ZNF438: variants seen among roughly 807,000 people sequenced by gnomAD.
ZNF438 encodes zinc finger protein 438.
Under a neutral mutation model 38.0 loss-of-function variants are expected in ZNF438, and 25 were observed. That is an observed-to-expected ratio of 0.66 (90% confidence interval 0.48 to 0.92). The LOEUF is 0.92. Among genes scored for constraint, ZNF438 ranks in the 40% least tolerant of loss-of-function variants. The pLI is 0.00. For missense variants in ZNF438, 1,007 were observed against 999.6 expected, an observed-to-expected ratio of 1.01 and a Z score of -0.10; for synonymous variants, 372 against 364.1, an observed-to-expected ratio of 1.02 and a Z score of -0.25.
chr10:30,971,178 T>C (rs1410585240), intron 1 of ZNF438, among the ~76,000 whole-genome samples: 1 of 152,214 alleles, frequency 6.6e-6, no homozygotes, highest in Non-Finnish European at 1.5e-5. Context: ...TCATATAAAA[T>C]AAACTATTTT....
intron 3 of ZNF438, among the ~76,000 whole-genome samples, chr10:30,901,660 T>A (rs1589102505): frequency 6.6e-6 from 1 of 151,776 alleles, no homozygotes; most frequent in African/African-American, 2.4e-5. Context: ...TAGGCGATGG[T>A]CTCACCGCTC....
At chr10:30,852,318 C>T (rs556292704) in intron 4 of ZNF438, among the ~76,000 whole-genome samples, 1 of 151,630 alleles carries the variant, frequency 6.6e-6, no homozygotes, top group Admixed American at 6.6e-5. Context: ...AAGTGATTCT[C>T]CTGCCTCAAC....
intron 3 of ZNF438, among the ~76,000 whole-genome samples, chr10:30,898,458 G>T (rs2041617461): frequency 6.6e-6 from 1 of 151,970 alleles, no homozygotes; most frequent in South Asian, 2.1e-4. Flanking sequence ...ATCAACAGTG[G>T]TTACTTTTGG....
chr10:30,875,438 C>T, intron 4 of ZNF438: 1 of 979,192 alleles, frequency 1.0e-6, no homozygotes, highest in Non-Finnish European at 1.2e-6. Flanking sequence ...TGGTTGGAGG[C>T]AGGTATGGAA....
chr10:30,903,621 CATT>C (rs1321383173), intron 3 of ZNF438, among the ~76,000 whole-genome samples: 12 of 152,172 alleles, frequency 7.9e-5, no homozygotes, highest in African/African-American at 2.9e-4. Flanking sequence ...AGGCCAAACA[CATT>C]ATAAGAAGAC....
intron 3 of ZNF438, among the ~76,000 whole-genome samples, chr10:30,887,381 C>CT (rs751482193): frequency 6.6e-5 from 10 of 151,290 alleles, no homozygotes; most frequent in South Asian, 2.1e-4. Flanking sequence ...GTAATAAACT[C>CT]TTTTTTTTTG....
At chr10:30,894,630 A>C (rs754591354) in intron 3 of ZNF438, among the ~76,000 whole-genome samples, 1 of 152,162 alleles carries the variant, frequency 6.6e-6, no homozygotes, top group South Asian at 2.1e-4. Context: ...CGATCAAGAG[A>C]AAGATGAGTA....
At chr10:30,905,412 G>A (rs1305461185) in intron 3 of ZNF438, among the ~76,000 whole-genome samples, 2 of 152,094 alleles carry the variant, frequency 1.3e-5, no homozygotes, top group East Asian at 1.9e-4. Context: ...GATCTTCTTC[G>A]GAAAAATGTC....
intron 1 of ZNF438, among the ~76,000 whole-genome samples, chr10:30,975,420 A>C (rs1362471551): frequency 6.6e-6 from 1 of 152,208 alleles, no homozygotes; most frequent in East Asian, 1.9e-4. Context: ...TGAGAATCTA[A>C]GTGCCACGCC....
intron 3 of ZNF438, among the ~76,000 whole-genome samples, chr10:30,890,157 C>A (rs778472480): frequency 2.0e-5 from 3 of 151,026 alleles, no homozygotes; most frequent in Non-Finnish European, 4.4e-5. Context: ...AACATTATTT[C>A]CAATTGTATG....
chr10:30,946,967 C>T (rs1267256627), intron 1 of ZNF438, among the ~76,000 whole-genome samples: 1 of 152,208 alleles, frequency 6.6e-6, no homozygotes. Context: ...TATACCACGT[C>T]ACATACAAAA....
chr10:31,005,532 T>C (rs1359457235), intron 1 of ZNF438, among the ~76,000 whole-genome samples: 1 of 152,054 alleles, frequency 6.6e-6, no homozygotes, highest in East Asian at 1.9e-4. Flanking sequence ...AAGATGTAGG[T>C]CAAAGGATAC....
At chr10:30,870,601 T>C (rs1331468115) in intron 4 of ZNF438, among the ~76,000 whole-genome samples, 1 of 152,228 alleles carries the variant, frequency 6.6e-6, no homozygotes, top group African/African-American at 2.4e-5. Context: ...GTTATAGTGC[T>C]GTGTCTCTGA....
chr10:30,857,453 C>T (rs527660193), intron 4 of ZNF438, among the ~76,000 whole-genome samples: 6 of 152,050 alleles, frequency 3.9e-5, no homozygotes, highest in East Asian at 1.9e-4. Context: ...CGGGGTTTCA[C>T]CATGTTGGCC....
intron 1 of ZNF438, among the ~76,000 whole-genome samples, chr10:31,006,863 AGT>A (rs2055189119): frequency 6.6e-6 from 1 of 151,454 alleles, no homozygotes; most frequent in Non-Finnish European, 1.5e-5. Context: ...AACCATTTTG[AGT>A]GTGTTTTTTC....
rs372377818 is a variant in ZNF438, at chr10:30,868,680, C to T, written c.37+8318G>A. 2.0e-4 allele frequency among the ~76,000 whole-genome samples: 31 copies of T among 152,296 alleles called. 1 individual carries two copies. Among genetic ancestry groups the T allele is most frequent in the East Asian group, 1.3e-3 (7 of 5,186 alleles). ...CTGTCAAACTACTTTGCTTTTATCCCTGCTCAAGCCATCACACTAACCATC... is the reference window on the plus strand; with the variant it reads ...CTGTCAAACTACTTTGCTTTTATCCTTGCTCAAGCCATCACACTAACCATC... On this transcript the variant is annotated intron_variant, in intron 4 of 5. Coordinates refer to ENST00000413025, the Ensembl canonical transcript of ZNF438.
intron 1 of ZNF438, among the ~76,000 whole-genome samples, chr10:30,975,398 A>C (rs2051226356): frequency 6.6e-6 from 1 of 152,212 alleles, no homozygotes; most frequent in Non-Finnish European, 1.5e-5. Flanking sequence ...TCTGTCACTG[A>C]ACAAATACCA....
At chr10:30,949,436 A>G (rs2047883750) in intron 1 of ZNF438, among the ~76,000 whole-genome samples, 1 of 152,258 alleles carries the variant, frequency 6.6e-6, no homozygotes, top group South Asian at 2.1e-4. Flanking sequence ...AAATGCTCCA[A>G]TTAAAAGACA....
chr10:30,866,396 A>G (rs1366232859), intron 4 of ZNF438, among the ~76,000 whole-genome samples: 1 of 152,216 alleles, frequency 6.6e-6, no homozygotes, highest in African/African-American at 2.4e-5. Context: ...AATGAATGGA[A>G]CTTGGCATTA....
Sources: allele counts gnomAD v4.1 joint callset (sites outside exome capture counted in the v4.1 genomes callset), GRCh38; gene constraint gnomAD v4.1.1; transcripts MANE v1.5; gene names NCBI Gene and HGNC (gene_info 2026-07-23, HGNC 2026-07-21).